The following SLC30A8 variants were observed in gnomAD, a reference collection of about 807,000 sequenced individuals.
The protein encoded by SLC30A8 is proton-coupled zinc antiporter SLC30A8.
In SLC30A8, 27 loss-of-function variants were observed where a neutral mutation model predicts 36.9. The observed-to-expected ratio is 0.73, with a 90% CI of 0.54 to 1.01. The LOEUF (loss-of-function observed/expected upper bound fraction) is 1.01. Among genes scored for constraint, SLC30A8 ranks in the 50% least tolerant of loss-of-function variants. The probability of loss-of-function intolerance (pLI) is 0.00; values close to 1 mark genes in which losing one functional copy is unlikely to be tolerated. For missense variants in SLC30A8, 439 were observed against 452.0 expected (o/e 0.97, Z 0.26); for synonymous variants, 164 against 172.4 (o/e 0.95, Z 0.38).
At chr8:117,116,755 A>G (rs1471701358) in intron 2 of SLC30A8, among the ~76,000 whole-genome samples, 2 of 152,002 alleles carry the variant, frequency 1.3e-5, no homozygotes, top group Non-Finnish European at 2.9e-5. Context: ...GAAATCAGAA[A>G]AGTTCTGATG....
chr8:116,959,875 A>T (rs1001787169), intron 1 of SLC30A8, among the ~76,000 whole-genome samples: 4 of 152,212 alleles, frequency 2.6e-5, no homozygotes, highest in Non-Finnish European at 4.4e-5. Flanking sequence ...GTTTATAAAC[A>T]TTCTGGTGAA....
intron 2 of SLC30A8, among the ~76,000 whole-genome samples, chr8:117,127,968 T>TA (rs1820975433): frequency 6.6e-6 from 1 of 152,092 alleles, no homozygotes; most frequent in Admixed American, 6.6e-5. Flanking sequence ...TCTTATATTA[T>TA]AAATTCTCAG....
intron 2 of SLC30A8, among the ~76,000 whole-genome samples, chr8:117,069,050 G>A (rs975784820): frequency 1.1e-4 from 17 of 151,916 alleles, no homozygotes; most frequent in African/African-American, 4.1e-4. Flanking sequence ...CCTGGCTCAG[G>A]GAATTAGCCA....
At chr8:117,126,551 C>T (rs1820911618) in intron 2 of SLC30A8, among the ~76,000 whole-genome samples, 2 of 121,278 alleles carry the variant, frequency 1.6e-5, no homozygotes, top group Admixed American at 1.6e-4. Context: ...CCAACCCATC[C>T]ATCCATCCAT....
intron 1 of SLC30A8, among the ~76,000 whole-genome samples, chr8:116,957,257 C>G (rs1814243883): frequency 6.6e-6 from 1 of 152,006 alleles, no homozygotes; most frequent in East Asian, 1.9e-4. Flanking sequence ...TGGGCAGCAC[C>G]ATTCTTTTTT....
intron 4 of SLC30A8, among the ~76,000 whole-genome samples, chr8:117,160,640 CGTG>C (rs556627086): frequency 1.5e-4 from 23 of 152,120 alleles, no homozygotes; most frequent in Non-Finnish European, 3.1e-4. Context: ...TGAATGACAA[CGTG>C]ATGAACACAC....
intron 2 of SLC30A8, among the ~76,000 whole-genome samples, chr8:117,098,806 T>C (rs982663416): frequency 1.3e-5 from 2 of 152,006 alleles, no homozygotes; most frequent in African/African-American, 2.4e-5. Flanking sequence ...AAGATAGAGA[T>C]GAATTGGAGG....
intron 2 of SLC30A8, among the ~76,000 whole-genome samples, chr8:117,062,473 C>G (rs1018195401): frequency 6.6e-6 from 1 of 152,154 alleles, no homozygotes; most frequent in South Asian, 2.1e-4. Flanking sequence ...GTTTTTTAAA[C>G]GATCAGATCT....
chr8:116,974,040 A>G (rs560850774), intron 1 of SLC30A8, among the ~76,000 whole-genome samples: 1 of 152,348 alleles, frequency 6.6e-6, no homozygotes, highest in East Asian at 1.9e-4. Flanking sequence ...AAATTAATTC[A>G]AGATGGATGA....
chr8:117,140,744 G>A (rs1255268854), intron 1 of SLC30A8, among the ~76,000 whole-genome samples: 2 of 151,944 alleles, frequency 1.3e-5, no homozygotes, highest in African/African-American at 4.8e-5. Context: ...AGTAAAGAAA[G>A]CAATAGTAAA....
intron 1 of SLC30A8, among the ~76,000 whole-genome samples, chr8:117,022,115 G>A (rs1214887446): frequency 6.6e-6 from 1 of 151,870 alleles, no homozygotes; most frequent in Non-Finnish European, 1.5e-5. Flanking sequence ...CAGGAGAATC[G>A]CTTGAACCCA....
chr8:117,047,224 C>T (rs947577310), intron 2 of SLC30A8, among the ~76,000 whole-genome samples: 3 of 152,148 alleles, frequency 2.0e-5, no homozygotes, highest in African/African-American at 4.8e-5. Context: ...TATTCTCTCA[C>T]GTATTCTCTT....
chr8:117,009,885 T>A (rs975410483), intron 1 of SLC30A8, among the ~76,000 whole-genome samples: 18 of 152,228 alleles, frequency 1.2e-4, no homozygotes, highest in African/African-American at 4.1e-4. Context: ...TGGAAATTGC[T>A]CATTTTTAAA....
chr8:117,067,613 T>G (rs1818208930), intron 2 of SLC30A8, among the ~76,000 whole-genome samples: 1 of 152,184 alleles, frequency 6.6e-6, no homozygotes, highest in African/African-American at 2.4e-5. Flanking sequence ...GACTCACATT[T>G]ATTTAACATC....
At chr8:117,055,321 T>C (rs1817837458) in intron 2 of SLC30A8, among the ~76,000 whole-genome samples, 1 of 152,094 alleles carries the variant, frequency 6.6e-6, no homozygotes, top group South Asian at 2.1e-4. Context: ...TGGATAGAAA[T>C]CTCCTTGGTT....
chr8:117,092,585 A>G (rs1214746605), intron 2 of SLC30A8, among the ~76,000 whole-genome samples: 1 of 152,228 alleles, frequency 6.6e-6, no homozygotes, highest in Admixed American at 6.5e-5. Context: ...CTGAGTGCCC[A>G]CTAGTACCTA....
At chr8:117,109,178 G>A (rs537583866) in intron 2 of SLC30A8, among the ~76,000 whole-genome samples, 2 of 152,288 alleles carry the variant, frequency 1.3e-5, no homozygotes, top group South Asian at 4.1e-4. Context: ...GGCCAGGCCT[G>A]TGTCATGCAC....
chr8:117,086,960 C>T (rs1030166979), intron 2 of SLC30A8, among the ~76,000 whole-genome samples: 4 of 152,068 alleles, frequency 2.6e-5, no homozygotes, highest in Non-Finnish European at 4.4e-5. Context: ...ATTAATTGTC[C>T]CCACCAATAT....
intron 2 of SLC30A8, among the ~76,000 whole-genome samples, chr8:117,054,445 A>G (rs1481064499): frequency 6.6e-6 from 1 of 152,196 alleles, no homozygotes; most frequent in East Asian, 1.9e-4. Flanking sequence ...GTGAGGTTGG[A>G]ACATCATTTT....
Sources: allele counts gnomAD v4.1 joint callset (sites outside exome capture counted in the v4.1 genomes callset), GRCh38; gene constraint gnomAD v4.1.1; transcripts MANE v1.5; gene names NCBI Gene and HGNC (gene_info 2026-07-23, HGNC 2026-07-21).